GOLT1A: variants seen among roughly 807,000 people sequenced by gnomAD.
The protein encoded by GOLT1A is golgi transport 1A, also known as vesicle transport protein GOT1A.
GOLT1A carries 10 observed loss-of-function variants against 16.1 expected under a neutral mutation model. That is an observed-to-expected ratio of 0.62 (90% confidence interval 0.38 to 1.05). The LOEUF is 1.05. Among genes scored for constraint, GOLT1A ranks in the 50% least tolerant of loss-of-function variants. The pLI is 0.01. For missense variants in GOLT1A, 137 were observed against 165.7 expected, an observed-to-expected ratio of 0.83 and a Z score of 0.95; for synonymous variants, 60 against 67.9, an observed-to-expected ratio of 0.88 and a Z score of 0.57.
chr1:204,212,694 A>C (rs546367997), intron 1 of GOLT1A, among the ~76,000 whole-genome samples: 1 of 151,470 alleles, frequency 6.6e-6, no homozygotes, highest in Admixed American at 6.6e-5. Flanking sequence ...ATACCTCCAC[A>C]GTCTATTCTC....
chr1:204,211,317 G>C (rs1659133890), intron 1 of GOLT1A, among the ~76,000 whole-genome samples: 1 of 151,768 alleles, frequency 6.6e-6, no homozygotes, highest in Admixed American at 6.6e-5. Context: ...TGCCTGGTGG[G>C]GCCCAGGCCT....
chr1:204,201,794 G>A lies in GOLT1A; in HGVS notation c.135C>T (p.Gly45=). The change falls in exon 3 of 5, where the codon GGC becomes GGT. Residue 45 remains glycine (G), a synonymous_variant. Coordinates refer to ENST00000308302, the MANE Select transcript of GOLT1A (RefSeq NM_198447.2). ...LAFGNLLFLT[G]LSLIIGLRKT... ...TCCTCAGGCCAATGATGAGGGACAGGCCCGTCAGGAACAGCAGCTGTAGGG... is the reference window on the plus strand; with the variant it reads ...TCCTCAGGCCAATGATGAGGGACAGACCCGTCAGGAACAGCAGCTGTAGGG... 6.2e-7 allele frequency: 1 copy of A among 1,614,078 alleles called. No individual in the cohort carries two copies. Among genetic ancestry groups the A allele is most frequent in the Non-Finnish European group, 8.5e-7 (1 of 1,179,984 alleles).
chr1:204,212,432 T>A (rs1201555946), intron 1 of GOLT1A, among the ~76,000 whole-genome samples: 3 of 151,640 alleles, frequency 2.0e-5, no homozygotes, highest in African/African-American at 7.3e-5. Flanking sequence ...AAGTCAGGAG[T>A]TCGAGACCAA....
chr1:204,202,850 G>T, intron 2 of GOLT1A, 46 bp downstream of exon 2: 1 of 1,384,030 alleles, frequency 7.2e-7, no homozygotes, highest in Non-Finnish European at 1.0e-6. Context: ...AGAGACTTCA[G>T]AAAGGTTGGG....
At chr1:204,206,450 C>T (rs528710330) in intron 1 of GOLT1A, among the ~76,000 whole-genome samples, 31 of 152,368 alleles carry the variant, frequency 2.0e-4, no homozygotes, top group African/African-American at 6.5e-4. Context: ...TCAGAGACAA[C>T]ACATTGAGAA....
rs138040529 is a variant in GOLT1A at position 204,203,359 on chromosome 1, G to A, written c.26-372C>T. On this transcript the variant is annotated intron_variant, in intron 1 of 4. Coordinates refer to ENST00000308302, the MANE Select transcript of GOLT1A (RefSeq NM_198447.2). ...CATAGCATCTGCTGCCTCTGCTCCT[G>A]CCTTGTGCAACTGAGAACCACTGGA... is the stretch of plus-strand genomic sequence containing the variant. Among the ~76,000 whole-genome samples, 1,479 of 152,268 alleles carry A rather than the reference G, an allele frequency of 9.7e-3. 55 individuals carry two copies. Among genetic ancestry groups the A allele is most frequent in the Admixed American group, 0.067 (1,020 of 15,294 alleles).
chr1:204,212,781 C>A (rs942102900), intron 1 of GOLT1A, among the ~76,000 whole-genome samples: 3 of 152,062 alleles, frequency 2.0e-5, no homozygotes, highest in African/African-American at 7.2e-5. Context: ...AGGTCATTAC[C>A]ATGGTCTATA....
chr1:204,202,268 G>A (rs1020881087), intron 2 of GOLT1A, among the ~76,000 whole-genome samples: 20 of 151,236 alleles, frequency 1.3e-4, no homozygotes, highest in African/African-American at 2.9e-4. Flanking sequence ...CCCTATCACC[G>A]TCTTCAGCTT....
At chr1:204,201,409 G>A (rs895281809) in intron 3 of GOLT1A, among the ~76,000 whole-genome samples, 1 of 152,126 alleles carries the variant, frequency 6.6e-6, no homozygotes, top group African/African-American at 2.4e-5. Context: ...CAGTGCTGGG[G>A]GCACAGTGCT....
At chr1:204,202,072 A>G (rs1264011007) in intron 2 of GOLT1A, among the ~76,000 whole-genome samples, 3 of 152,242 alleles carry the variant, frequency 2.0e-5, no homozygotes, top group Middle Eastern at 3.4e-3. Context: ...CTGGAGCCCA[A>G]GCATTTTTCA....
chr1:204,200,299 G>GTGTGTGTGTATATA lies in GOLT1A; in HGVS notation c.297-1042_297-1041insTATATACACACACA. On this transcript the variant is annotated intron_variant, in intron 3 of 4. Coordinates refer to ENST00000308302, the MANE Select transcript of GOLT1A (RefSeq NM_198447.2). ...GACTGTTTGAAAATGACATATATGT[G>GTGTGTGTGTATATA]TATATATATATATATATATATGTTT... 1.9e-3 allele frequency among the ~76,000 whole-genome samples: 156 copies of GTGTGTGTGTATATA among 82,672 alleles called. 10 individuals are homozygous for GTGTGTGTGTATATA. Among genetic ancestry groups the GTGTGTGTGTATATA allele is most frequent in the African/African-American group, 8.3e-3 (149 of 18,056 alleles). 54.2% of individuals were successfully genotyped at this position (82,672 alleles called of 152,430 possible).
intron 1 of GOLT1A, among the ~76,000 whole-genome samples, chr1:204,211,085 A>C (rs1177693509): frequency 6.6e-6 from 1 of 151,736 alleles, no homozygotes; most frequent in East Asian, 1.9e-4. Flanking sequence ...TTAACACCTA[A>C]TTCCCGGCCA....
intron 1 of GOLT1A, among the ~76,000 whole-genome samples, chr1:204,206,145 A>T (rs1233646693): frequency 6.6e-6 from 1 of 152,230 alleles, no homozygotes; most frequent in Non-Finnish European, 1.5e-5. Flanking sequence ...TGCTCAACTC[A>T]TAGTCTGGTA....
intron 1 of GOLT1A, among the ~76,000 whole-genome samples, chr1:204,208,491 T>TAC: frequency 1.1e-5 from 1 of 87,974 alleles, no homozygotes; most frequent in Non-Finnish European, 2.5e-5. Flanking sequence ...TATATATATA[T>TAC]ATATATATAT....
chr1:204,210,836 T>C (rs1191386044), intron 1 of GOLT1A, among the ~76,000 whole-genome samples: 4 of 152,206 alleles, frequency 2.6e-5, no homozygotes, highest in African/African-American at 7.2e-5. Flanking sequence ...ACTTGGCATA[T>C]CTGCCTGGTT....
At chr1:204,204,514 A>G (rs1411384808) in intron 1 of GOLT1A, among the ~76,000 whole-genome samples, 1 of 152,188 alleles carries the variant, frequency 6.6e-6, no homozygotes, top group Non-Finnish European at 1.5e-5. Context: ...GTCCATTGCT[A>G]TCTGTACCCT....
At chr1:204,203,788 C>G (rs1176492059) in intron 1 of GOLT1A, among the ~76,000 whole-genome samples, 1 of 151,502 alleles carries the variant, frequency 6.6e-6, no homozygotes, top group Non-Finnish European at 1.5e-5. Flanking sequence ...CAATGAGCCC[C>G]CATTCCCAAG....
chr1:204,208,502 A>ATATATATATAT (rs1491494433), intron 1 of GOLT1A, among the ~76,000 whole-genome samples: 12 of 62,086 alleles, frequency 1.9e-4, no homozygotes, highest in South Asian at 4.4e-4. Flanking sequence ...ATATATATAT[A>ATATATATATAT]AAAAATGAAC....
At chr1:204,203,493 G>T (rs192258427) in intron 1 of GOLT1A, among the ~76,000 whole-genome samples, 2 of 152,256 alleles carry the variant, frequency 1.3e-5, no homozygotes, top group African/African-American at 4.8e-5. Flanking sequence ...AGGCTGGCCC[G>T]CCTGAGCAAC....
Sources: allele counts gnomAD v4.1 joint callset (sites outside exome capture counted in the v4.1 genomes callset), GRCh38; gene constraint gnomAD v4.1.1; transcripts MANE v1.5; gene names NCBI Gene and HGNC (gene_info 2026-07-23, HGNC 2026-07-21).